SLC24A3: variants seen among roughly 807,000 people sequenced by gnomAD.
SLC24A3 encodes solute carrier family 24 member 3, also known as sodium/potassium/calcium exchanger 3.
A neutral mutation model predicts 75.8 loss-of-function variants in SLC24A3; 28 were observed. That is an observed-to-expected ratio of 0.37 (90% CI 0.27 to 0.51). The LOEUF (loss-of-function observed/expected upper bound fraction) is 0.51. Among genes scored for constraint, SLC24A3 ranks in the 20% least tolerant of loss-of-function variants. The probability of loss-of-function intolerance (pLI) is 0.94; values close to 1 mark genes in which losing one functional copy is unlikely to be tolerated. For missense variants in SLC24A3, 663 were observed against 847.8 expected, an observed-to-expected ratio of 0.78 and a Z score of 2.71; for synonymous variants, 372 against 334.1, an observed-to-expected ratio of 1.11 and a Z score of -1.24.
intron 2 of SLC24A3, among the ~76,000 whole-genome samples, chr20:19,477,141 A>C (rs1001435279): frequency 6.6e-6 from 1 of 152,032 alleles, no homozygotes; most frequent in Admixed American, 6.5e-5. Flanking sequence ...TGGGAAAGGA[A>C]GTACTCCTTC....
chr20:19,457,295 G>A (rs773650750), intron 2 of SLC24A3, among the ~76,000 whole-genome samples: 48 of 152,206 alleles, frequency 3.2e-4, no homozygotes, highest in South Asian at 1.5e-3. Flanking sequence ...GCATAACCTG[G>A]GGCAAATCAT....
At chr20:19,358,050 G>C (rs1449371221) in intron 2 of SLC24A3, among the ~76,000 whole-genome samples, 1 of 152,190 alleles carries the variant, frequency 6.6e-6, no homozygotes, top group Admixed American at 6.5e-5. Context: ...GTGCCCTCCA[G>C]CTCAGCTATA....
chr20:19,434,434 C>A (rs1221906145), intron 2 of SLC24A3, among the ~76,000 whole-genome samples: 1 of 152,156 alleles, frequency 6.6e-6, no homozygotes, highest in Non-Finnish European at 1.5e-5. Flanking sequence ...GTGACCTCAG[C>A]TCAAGAAAGT....
At chr20:19,615,073 T>C (rs950889518) in intron 6 of SLC24A3, among the ~76,000 whole-genome samples, 7 of 152,178 alleles carry the variant, frequency 4.6e-5, no homozygotes, top group Admixed American at 3.9e-4. Context: ...GGGTAAAGCA[T>C]CTTAACCACC....
At chr20:19,382,128 G>A (rs566082918) in intron 2 of SLC24A3, among the ~76,000 whole-genome samples, 56 of 152,298 alleles carry the variant, frequency 3.7e-4, no homozygotes, top group South Asian at 1.7e-3. Context: ...GGGTGTCAGC[G>A]TCTTGATAAA....
At chr20:19,710,265 C>A (rs995202181) in intron 15 of SLC24A3, among the ~76,000 whole-genome samples, 4 of 152,188 alleles carry the variant, frequency 2.6e-5, no homozygotes, top group African/African-American at 9.6e-5. Flanking sequence ...AAATCAGAAT[C>A]TTTTAGGGTG....
chr20:19,525,159 C>G (rs1462122015), intron 3 of SLC24A3, among the ~76,000 whole-genome samples: 1 of 152,130 alleles, frequency 6.6e-6, no homozygotes, highest in Non-Finnish European at 1.5e-5. Flanking sequence ...AGTAGAGACT[C>G]CAGATAGGAG....
At chr20:19,651,205 T>G (rs1004475815) in intron 6 of SLC24A3, among the ~76,000 whole-genome samples, 1 of 151,928 alleles carries the variant, frequency 6.6e-6, no homozygotes, top group Non-Finnish European at 1.5e-5. Flanking sequence ...GAGGCAAATT[T>G]TTTGAGACAA....
At chr20:19,431,382 G>A (rs944994935) in intron 2 of SLC24A3, among the ~76,000 whole-genome samples, 1 of 152,150 alleles carries the variant, frequency 6.6e-6, no homozygotes, top group Non-Finnish European at 1.5e-5. Context: ...TTGTGTGAAA[G>A]CATCCACGTG....
intron 2 of SLC24A3, among the ~76,000 whole-genome samples, chr20:19,303,259 T>C (rs2049680700): frequency 6.6e-6 from 1 of 152,120 alleles, no homozygotes; most frequent in Admixed American, 6.5e-5. Flanking sequence ...GAATATGCAG[T>C]ATTTGGTTTT....
chr20:19,613,410 A>G (rs2031696967), intron 6 of SLC24A3, among the ~76,000 whole-genome samples: 1 of 152,200 alleles, frequency 6.6e-6, no homozygotes, highest in African/African-American at 2.4e-5. Flanking sequence ...TAAAGAGCCT[A>G]CCATTTTACA....
At chr20:19,514,744 G>C (rs1423809692) in intron 2 of SLC24A3, among the ~76,000 whole-genome samples, 2 of 152,202 alleles carry the variant, frequency 1.3e-5, no homozygotes, top group Non-Finnish European at 2.9e-5. Context: ...TCAGTTCACA[G>C]ACTCCAGCTT....
chr20:19,558,730 G>C (rs1165133364), intron 3 of SLC24A3, among the ~76,000 whole-genome samples: 2 of 152,114 alleles, frequency 1.3e-5, no homozygotes, highest in African/African-American at 4.8e-5. Context: ...TCAGTACATG[G>C]TGTTGATATG....
intron 2 of SLC24A3, among the ~76,000 whole-genome samples, chr20:19,303,855 C>T (rs779723242): frequency 6.6e-5 from 10 of 152,196 alleles, no homozygotes; most frequent in Non-Finnish European, 1.5e-4. Flanking sequence ...TAGGCATGAA[C>T]AGCGTTGTTG....
chr20:19,658,219 A>C (rs1055155075), intron 7 of SLC24A3, among the ~76,000 whole-genome samples: 2 of 152,004 alleles, frequency 1.3e-5, no homozygotes, highest in Non-Finnish European at 2.9e-5. Context: ...AGGCATGGCG[A>C]CTTCTCCAGA....
intron 1 of SLC24A3, chr20:19,244,341 A>G (rs148680569): frequency 6.6e-6 from 1 of 152,336 alleles, no homozygotes; most frequent in East Asian, 1.9e-4. Context: ...GCAACTAATC[A>G]TAAACTGCAG....
chr20:19,660,078 A>C (rs1051591849), intron 7 of SLC24A3, among the ~76,000 whole-genome samples: 10 of 151,846 alleles, frequency 6.6e-5, no homozygotes, highest in African/African-American at 2.2e-4. Context: ...CCCCTCCTGC[A>C]CCCATTTTTC....
chr20:19,477,730 C>T (rs1016005707), intron 2 of SLC24A3, among the ~76,000 whole-genome samples: 1 of 152,158 alleles, frequency 6.6e-6, no homozygotes, highest in African/African-American at 2.4e-5. Context: ...AGGCAAATGG[C>T]TTGATTATGG....
intron 2 of SLC24A3, among the ~76,000 whole-genome samples, chr20:19,351,115 G>A (rs1985555461): frequency 6.6e-6 from 1 of 152,118 alleles, no homozygotes; most frequent in East Asian, 1.9e-4. Flanking sequence ...GCCTCCATAG[G>A]GTCTCTTGGG....
Sources: gnomAD v4.1 joint callset for allele counts (sites outside exome capture counted in the v4.1 genomes callset) on GRCh38, gnomAD v4.1.1 for gene constraint, MANE v1.5 for transcripts, NCBI Gene and HGNC (gene_info 2026-07-23, HGNC 2026-07-21) for gene names.